The following SH3GL2 variants were observed in gnomAD, a reference collection of about 807,000 sequenced individuals.
SH3GL2 encodes the protein SH3 domain containing GRB2 like 2, endophilin A1, also known as endophilin-A1.
In SH3GL2, 24 loss-of-function variants were observed where a neutral mutation model predicts 46.0. The observed-to-expected ratio is 0.52, with a 90% CI of 0.38 to 0.73. The LOEUF is 0.73. Among genes scored for constraint, SH3GL2 ranks in the 30% least tolerant of loss-of-function variants. SH3GL2 has a pLI of 0.00. For missense variants in SH3GL2, 413 were observed against 424.2 expected, an observed-to-expected ratio of 0.97 and a Z score of 0.23; for synonymous variants, 196 against 147.1, an observed-to-expected ratio of 1.33 and a Z score of -2.40.
intron 1 of SH3GL2, among the ~76,000 whole-genome samples, chr9:17,619,569 T>C (rs1474295594): frequency 3.3e-5 from 5 of 151,856 alleles, no homozygotes; most frequent in Admixed American, 1.3e-4. Context: ...TCCCAGCTAC[T>C]CGGGAGGCTG....
intron 1 of SH3GL2, chr9:17,590,298 A>G (rs901157213): frequency 2.0e-5 from 3 of 152,302 alleles, no homozygotes; most frequent in Non-Finnish European, 1.5e-5. Context: ...GCACATCATC[A>G]TCGTATAATA....
At chr9:17,594,086 A>G (rs1818530044) in intron 1 of SH3GL2, among the ~76,000 whole-genome samples, 1 of 152,138 alleles carries the variant, frequency 6.6e-6, no homozygotes, top group South Asian at 2.1e-4. Flanking sequence ...GAGCAAATCT[A>G]GCATTGTTCT....
intron 1 of SH3GL2, among the ~76,000 whole-genome samples, chr9:17,637,848 A>G (rs1588194841): frequency 1.3e-5 from 2 of 152,122 alleles, no homozygotes; most frequent in Admixed American, 6.5e-5. Context: ...CATCCAGCTT[A>G]CCTTTTGATC....
rs772737724 is a variant in SH3GL2 at position 17,579,298 on chromosome 9, C to T, written c.45+11C>T. On this transcript the variant is annotated intron_variant, in intron 1 of 8. Transcript: ENST00000380607. ...CATAAAGCCACTCAGGTAAGGCGCG[C>T]GGCAGGTGCGTCCCGGGGCAGTCCG... The T allele has an allele frequency of 3.2e-6, 5 of 1,554,168 alleles. No homozygotes were observed. The Admixed American group carries it at 5.5e-5, about 17-fold the overall frequency.
intron 3 of SH3GL2, among the ~76,000 whole-genome samples, chr9:17,779,604 C>T (rs147368825): frequency 3.3e-5 from 5 of 152,260 alleles, no homozygotes; most frequent in African/African-American, 1.2e-4. Flanking sequence ...TTAGAGTAGA[C>T]ACCAATTAAA....
At chr9:17,707,235 A>AT (rs1563821052) in intron 1 of SH3GL2, among the ~76,000 whole-genome samples, 1 of 152,072 alleles carries the variant, frequency 6.6e-6, no homozygotes, top group Non-Finnish European at 1.5e-5. Context: ...ATTAAATGAC[A>AT]TATCAACTAC....
At chr9:17,744,019 A>G (rs1822610176) in intron 1 of SH3GL2, among the ~76,000 whole-genome samples, 1 of 152,316 alleles carries the variant, frequency 6.6e-6, no homozygotes, top group African/African-American at 2.4e-5. Flanking sequence ...AACAAATGGA[A>G]TTTTGGAATA....
At chr9:17,658,236 C>T (rs145206282) in intron 1 of SH3GL2, among the ~76,000 whole-genome samples, 27 of 152,292 alleles carry the variant, frequency 1.8e-4, no homozygotes, top group East Asian at 5.8e-4. Flanking sequence ...GAGCATCTGC[C>T]GTTGTCCCCT....
At chr9:17,670,356 G>A (rs1216354207) in intron 1 of SH3GL2, among the ~76,000 whole-genome samples, 2 of 152,174 alleles carry the variant, frequency 1.3e-5, no homozygotes, top group Non-Finnish European at 2.9e-5. Context: ...GAAGTTCTGC[G>A]AAGGATGCTG....
intron 3 of SH3GL2, among the ~76,000 whole-genome samples, chr9:17,770,870 G>A (rs1823458964): frequency 6.6e-6 from 1 of 152,164 alleles, no homozygotes; most frequent in Non-Finnish European, 1.5e-5. Flanking sequence ...CAGGAAGACA[G>A]CAACCCACGT....
chr9:17,787,694 G>T (rs568457858), intron 5 of SH3GL2, among the ~76,000 whole-genome samples, 181 bp downstream of exon 5: 19 of 152,248 alleles, frequency 1.2e-4, no homozygotes, highest in African/African-American at 4.3e-4. Flanking sequence ...TTTTCAGCCT[G>T]TTATGACTGT....
intron 3 of SH3GL2, among the ~76,000 whole-genome samples, chr9:17,762,592 CTGT>C (rs1243411008): frequency 2.0e-5 from 3 of 152,036 alleles, no homozygotes; most frequent in African/African-American, 7.2e-5. Flanking sequence ...ATATTTGTTG[CTGT>C]TGTTTTTGTT....
chr9:17,735,897 G>T (rs1361958582), intron 1 of SH3GL2: 1 of 202,122 alleles, frequency 4.9e-6, no homozygotes, highest in East Asian at 1.9e-4. Context: ...CTTATACCCT[G>T]TGGGGGCAGT....
intron 1 of SH3GL2, among the ~76,000 whole-genome samples, chr9:17,630,745 A>G (rs560122332): frequency 1.3e-5 from 2 of 152,264 alleles, no homozygotes. Flanking sequence ...CCTGTTCATT[A>G]TGCAATAATG....
chr9:17,763,195 A>G (rs1423432966), intron 3 of SH3GL2, among the ~76,000 whole-genome samples: 2 of 152,218 alleles, frequency 1.3e-5, no homozygotes, highest in East Asian at 1.9e-4. Flanking sequence ...TCATTGTAAC[A>G]CAAATTATCA....
chr9:17,677,530 C>A (rs1017529725), intron 1 of SH3GL2, among the ~76,000 whole-genome samples: 2 of 151,914 alleles, frequency 1.3e-5, no homozygotes, highest in Admixed American at 6.6e-5. Flanking sequence ...CACCAAATCT[C>A]TTTTTTTAAA....
intron 1 of SH3GL2, among the ~76,000 whole-genome samples, chr9:17,680,827 G>A (rs1820747804): frequency 6.6e-6 from 1 of 151,968 alleles, no homozygotes; most frequent in Non-Finnish European, 1.5e-5. Flanking sequence ...CTGGTATGTT[G>A]TGTCTTTGTT....
chr9:17,706,402 C>A (rs535994308), intron 1 of SH3GL2, among the ~76,000 whole-genome samples: 1 of 152,236 alleles, frequency 6.6e-6, no homozygotes, highest in East Asian at 1.9e-4. Flanking sequence ...GTGATGCTAG[C>A]ACCTCTTCAT....
At chr9:17,675,508 T>G (rs1820582999) in intron 1 of SH3GL2, among the ~76,000 whole-genome samples, 1 of 152,212 alleles carries the variant, frequency 6.6e-6, no homozygotes, top group African/African-American at 2.4e-5. Flanking sequence ...ATTACAAAAC[T>G]CTTTAAGTTG....
Sources: gnomAD v4.1 joint callset for allele counts (sites outside exome capture counted in the v4.1 genomes callset) on GRCh38, gnomAD v4.1.1 for gene constraint, MANE v1.5 for transcripts, NCBI Gene and HGNC (gene_info 2026-07-23, HGNC 2026-07-21) for gene names.